The following MOBP variants were observed in gnomAD, a reference collection of about 807,000 sequenced individuals.
The protein encoded by MOBP is myelin associated oligodendrocyte basic protein.
In MOBP, 5 loss-of-function variants were observed where a neutral mutation model predicts 15.0. That is an observed-to-expected ratio of 0.33 (90% CI 0.17 to 0.70). The LOEUF is 0.70. Ranked by LOEUF, MOBP falls within the 30% of genes least tolerant of loss-of-function variation. The pLI is 0.67. For missense variants in MOBP, 188 were observed against 257.8 expected (o/e 0.73, Z 1.85); for synonymous variants, 88 against 99.0 (o/e 0.89, Z 0.66).
intron 2 of MOBP, among the ~76,000 whole-genome samples, chr3:39,498,248 C>T (rs2042914168): frequency 6.6e-6 from 1 of 152,146 alleles, no homozygotes. Context: ...GTTGGGGAAG[C>T]AGTATATAGA....
In MOBP at chr3:39,502,053, C is replaced by G; in HGVS notation, c.-4-13C>G. 1 of 1,611,496 alleles carries G rather than the reference C, an allele frequency of 6.2e-7. No individual in the cohort carries two copies. Among genetic ancestry groups the G allele is most frequent in the Non-Finnish European group, 8.5e-7 (1 of 1,178,328 alleles). The stretch of plus-strand genomic sequence containing the variant: ...TATGTCTCCTCCTGTCTCCTTGCAT[C>G]GGCGATTTCCAGTGAGATGAGTCAG... On this transcript the variant is annotated splice_polypyrimidine_tract_variant and intron_variant, in intron 2 of 3. Transcript: ENST00000684792. This position sits in a 1 kb window ranked among gnomAD's most constrained non-coding sequence, Gnocchi z 6.3.
chr3:39,489,515 T>C (rs576794314), intron 2 of MOBP, among the ~76,000 whole-genome samples: 1 of 152,340 alleles, frequency 6.6e-6, no homozygotes, highest in East Asian at 1.9e-4. Flanking sequence ...TATAGACTGA[T>C]ATCATCTGCC....
At position 39,495,782 on chromosome 3, in the gene MOBP, A is replaced by G. The variant is rs191848996; in HGVS notation, c.-4-6284A>G. On this transcript the variant is annotated intron_variant, in intron 2 of 3. Coordinates refer to ENST00000684792, the MANE Select transcript of MOBP (RefSeq NM_001393704.1). Reference sequence around the variant, plus strand: ...AAAAAAAAAAAGAAAAGAAAGAGGAAAAAAAGAAATTATAAGTGCATACAG... The same window carrying G: ...AAAAAAAAAAAGAAAAGAAAGAGGAGAAAAAGAAATTATAAGTGCATACAG... 5.7e-3 allele frequency among the ~76,000 whole-genome samples: 864 copies of G among 150,750 alleles called. 5 individuals are homozygous for G. Among genetic ancestry groups the G allele is most frequent in the African/African-American group, 0.019 (781 of 40,602 alleles).
At chr3:39,515,454 T>C in exon 5 of MOBP, 1 of 152,172 alleles carries the variant, frequency 6.6e-6, no homozygotes, top group East Asian at 1.9e-4. Context: ...TCCAGCGCTT[T>C]TCTACTTAGG....
chr3:39,486,554 C>T (rs930459188), intron 2 of MOBP, among the ~76,000 whole-genome samples: 3 of 152,062 alleles, frequency 2.0e-5, no homozygotes, highest in Non-Finnish European at 4.4e-5. Flanking sequence ...GCTTACCCTC[C>T]GAAGTGGCTC....
chr3:39,510,866 C>A (rs1314257794), intron 4 of MOBP, among the ~76,000 whole-genome samples: 1 of 152,142 alleles, frequency 6.6e-6, no homozygotes, highest in Non-Finnish European at 1.5e-5. Flanking sequence ...TAAATTCTTG[C>A]CAAATTGGCT....
In MOBP at chr3:39,502,957, C is replaced by A; in HGVS notation, c.*77C>A. The A allele has an allele frequency of 1.4e-6, 1 of 690,532 alleles. No individual in the cohort carries two copies. Among genetic ancestry groups the A allele is most frequent in the Non-Finnish European group, 2.4e-6 (1 of 418,454 alleles). 42.8% of individuals were successfully genotyped at this position (690,532 alleles called of 1,614,324 possible). A position where few individuals can be genotyped will look rare whatever the true frequency, so the allele number is the denominator to read the frequency against. On this transcript the variant is annotated 3_prime_UTR_variant, in exon 4 of 4. Transcript: ENST00000684792. This position sits in a 1 kb window ranked among gnomAD's most constrained non-coding sequence, Gnocchi z 6.3. The stretch of plus-strand genomic sequence containing the variant: ...GTGTTTACTAACACCGGGCTGTCTC[C>A]ATGGCCCTCTTCAGCCTTATTACCC...
At chr3:39,473,150 T>G (rs986805839) in intron 1 of MOBP, among the ~76,000 whole-genome samples, 1 of 152,226 alleles carries the variant, frequency 6.6e-6, no homozygotes, top group Non-Finnish European at 1.5e-5. Context: ...TCTGTCACCC[T>G]TAAAGCATTA....
intron 2 of MOBP, among the ~76,000 whole-genome samples, chr3:39,482,495 T>C (rs1707955): frequency 0.3 from 45,149 of 151,426 alleles, 9,099 homozygotes; most frequent in African/African-American, 0.57. Context: ...ACTAAAAATA[T>C]AAAAAAATTA....
downstream of MOBP, among the ~76,000 whole-genome samples, chr3:39,520,744 T>C (rs1474101431): frequency 1.3e-5 from 2 of 152,176 alleles, no homozygotes; most frequent in Non-Finnish European, 2.9e-5. Flanking sequence ...TCAAAAATCA[T>C]GCTGACAGGA....
At chr3:39,509,288 C>A (rs2043089584) in intron 4 of MOBP, among the ~76,000 whole-genome samples, 1 of 152,136 alleles carries the variant, frequency 6.6e-6, no homozygotes, top group Non-Finnish European at 1.5e-5. Flanking sequence ...TTTGTTTAAA[C>A]TTCTAAGAAA....
intron 4 of MOBP, among the ~76,000 whole-genome samples, chr3:39,510,424 TAACA>T (rs2043104373): frequency 6.6e-6 from 1 of 152,178 alleles, no homozygotes; most frequent in Non-Finnish European, 1.5e-5. Context: ...GGGAAAACTA[TAACA>T]ATACTGAGTC....
At chr3:39,526,409 A>G (rs1444417123), downstream of MOBP, 1 of 152,248 alleles carries the variant, frequency 6.6e-6, no homozygotes, top group Non-Finnish European at 1.5e-5. Context: ...AGCTAAATGT[A>G]ATGTGCCTTG....
intron 2 of MOBP, among the ~76,000 whole-genome samples, chr3:39,483,473 G>A (rs1350699974): frequency 6.6e-6 from 1 of 152,146 alleles, no homozygotes; most frequent in Non-Finnish European, 1.5e-5. Flanking sequence ...GGAACCCCTG[G>A]AAAACCCAAG....
downstream of MOBP, among the ~76,000 whole-genome samples, chr3:39,520,556 G>A (rs1318456009): frequency 2.2e-5 from 3 of 137,356 alleles, no homozygotes; most frequent in Non-Finnish European, 4.6e-5. Flanking sequence ...GTGTGTGTGT[G>A]TATGTGTGTG....
downstream of MOBP, among the ~76,000 whole-genome samples, chr3:39,519,505 C>A (rs897307425): frequency 7.6e-6 from 1 of 131,580 alleles, no homozygotes. Context: ...TAAATGGCAT[C>A]TTTTTTTTTT....
intron 2 of MOBP, among the ~76,000 whole-genome samples, chr3:39,490,572 A>AT (rs1390049113): frequency 6.6e-6 from 1 of 151,516 alleles, no homozygotes; most frequent in African/African-American, 2.4e-5. Context: ...CAATTTTTTC[A>AT]TTTTTTTTGA....
chr3:39,504,061 G>T (rs930177857), downstream of MOBP, among the ~76,000 whole-genome samples: 1 of 152,204 alleles, frequency 6.6e-6, no homozygotes, highest in Non-Finnish European at 1.5e-5. Context: ...GATTATTTGT[G>T]ATGTGAGGTA....
chr3:39,480,578 A>AG (rs1181161209), intron 2 of MOBP, among the ~76,000 whole-genome samples: 3 of 152,140 alleles, frequency 2.0e-5, no homozygotes, highest in Non-Finnish European at 2.9e-5. Flanking sequence ...CAGGTTTGAG[A>AG]GGGGGGTCAG....
Sources: gnomAD v4.1 joint callset for allele counts (sites outside exome capture counted in the v4.1 genomes callset) on GRCh38, gnomAD v4.1.1 for gene constraint, Gnocchi (gnomAD v3.1) non-coding constraint, MANE v1.5 for transcripts, NCBI Gene and HGNC (gene_info 2026-07-23, HGNC 2026-07-21) for gene names.